Variants in CELF2 observed in about 807,000 individuals in gnomAD.
CELF2 encodes CUGBP Elav-like family member 2.
Under a neutral mutation model 62.6 loss-of-function variants are expected in CELF2, and 8 were observed. That is an observed-to-expected ratio of 0.13 (90% CI 0.07 to 0.23). CELF2 has a LOEUF of 0.23. CELF2 is among the 10% of genes least tolerant of loss of function. The pLI is 1.00. For missense variants in CELF2, 333 were observed against 671.0 expected, an observed-to-expected ratio of 0.50 and a Z score of 5.56; for synonymous variants, 258 against 250.0, an observed-to-expected ratio of 1.03 and a Z score of -0.30.
chr10:10,551,293 T>G, the CELF2 span, among the ~76,000 whole-genome samples: 17 of 152,054 alleles, frequency 1.1e-4, no homozygotes, highest in African/African-American at 3.9e-4. Flanking sequence ...TGCCCCTGAT[T>G]GAGGCAAGAG....
chr10:10,767,005 C>A, the CELF2 span, among the ~76,000 whole-genome samples: 1 of 152,158 alleles, frequency 6.6e-6, no homozygotes, highest in East Asian at 1.9e-4. Flanking sequence ...GTCAATGGAA[C>A]AGGAACAGGT....
At chr10:10,831,336 G>T (rs1012566674) in intron 1 of CELF2, among the ~76,000 whole-genome samples, 7 of 152,210 alleles carry the variant, frequency 4.6e-5, no homozygotes, top group African/African-American at 2.4e-5. Flanking sequence ...AGGGCAGTCA[G>T]GACACTTCTG....
rs60798946 is a variant in CELF2, at chr10:11,280,989, C to CGTGTGTGTGTGTGT, written c.841+5888_841+5901dup. On this transcript the variant is annotated intron_variant, in intron 8 of 12. Transcript: ENST00000633077. The surrounding 1 kb of genome is among the most constrained non-coding windows in gnomAD (Gnocchi z 7.6). ...TGGCGTGCGTGTGCATGCCTGTGTG[C>CGTGTGTGTGTGTGT]GTGTGTGTGTGTGTGTGTGTGTGTG... Among the ~76,000 whole-genome samples, 1,562 of 144,490 alleles carry CGTGTGTGTGTGTGT rather than the reference C, an allele frequency of 0.011. 16 individuals are homozygous for CGTGTGTGTGTGTGT. Among genetic ancestry groups the CGTGTGTGTGTGTGT allele is most frequent in the African/African-American group, 0.024 (930 of 38,934 alleles). 94.8% of individuals were successfully genotyped at this position (144,490 alleles called of 152,430 possible).
At chr10:11,131,359 G>C (rs1306138662) in intron 1 of CELF2, among the ~76,000 whole-genome samples, 1 of 152,196 alleles carries the variant, frequency 6.6e-6, no homozygotes, top group Non-Finnish European at 1.5e-5. Flanking sequence ...GAGGAAAGGT[G>C]CCGTGATGTT....
In CELF2 at chr10:11,268,222, G is replaced by C. The variant is rs1184285560; in HGVS notation, c.618+1545G>C. On this transcript the variant is annotated intron_variant, in intron 6 of 12. Coordinates refer to ENST00000633077, the MANE Select transcript of CELF2 (RefSeq NM_001326342.2). The surrounding 1 kb of genome is among the most constrained non-coding windows in gnomAD (Gnocchi z 4.7). ...AGATTAAAATGAAACTGCTGTTAGGGGCAAAAAAATAAAAAAGAAAACTCT... is the reference window on the plus strand; with the variant it reads ...AGATTAAAATGAAACTGCTGTTAGGCGCAAAAAAATAAAAAAGAAAACTCT... Among the ~76,000 whole-genome samples, 1 of 151,338 alleles carries C rather than the reference G, an allele frequency of 6.6e-6. No individual in the cohort carries two copies. Among genetic ancestry groups the C allele is most frequent in the African/African-American group, 2.4e-5 (1 of 41,136 alleles).
intron 2 of CELF2, among the ~76,000 whole-genome samples, chr10:10,987,112 T>C (rs1464360179): frequency 6.6e-6 from 1 of 152,236 alleles, no homozygotes; most frequent in African/African-American, 2.4e-5. Flanking sequence ...ACTTGAATCA[T>C]GTCACAAGGT....
the CELF2 span, among the ~76,000 whole-genome samples, chr10:10,768,522 C>T: frequency 6.6e-6 from 1 of 151,864 alleles, no homozygotes; most frequent in African/African-American, 2.4e-5. Context: ...AGGTTTTACA[C>T]CTCTGTCACT....
At chr10:11,212,737 GTTT>G (rs11354880) in intron 2 of CELF2, among the ~76,000 whole-genome samples, 2,550 of 92,018 alleles carry the variant, frequency 0.028, 71 homozygotes, top group African/African-American at 0.091. Context: ...TGTGTTTTGG[GTTT>G]TTTTTTTTTT....
intron 1 of CELF2, among the ~76,000 whole-genome samples, chr10:10,883,623 G>T (rs978497160): frequency 3.9e-5 from 6 of 152,132 alleles, no homozygotes; most frequent in South Asian, 2.1e-4. Flanking sequence ...TTGTGAAGGG[G>T]ACAGGATCCA....
rs1258134095 is a variant in CELF2 at position 11,280,987 on chromosome 10, TGC to T, written c.841+5869_841+5870del. ...GCTGGCGTGCGTGTGCATGCCTGTG[TGC>T]GTGTGTGTGTGTGTGTGTGTGTGTG... On this transcript the variant is annotated intron_variant, in intron 8 of 12. Transcript: ENST00000633077. This position sits in a 1 kb window ranked among gnomAD's most constrained non-coding sequence, Gnocchi z 7.6. Among the ~76,000 whole-genome samples the T allele has an allele frequency of 9.4e-4, 129 of 136,836 alleles. No individual in the cohort carries two copies. The highest frequency in any genetic ancestry group is 1.8e-3 in the East Asian group (8 of 4,456). The allele number at this position is 136,836 out of a possible 152,430, so 89.8% of individuals were successfully genotyped here. A position where few individuals can be genotyped will look rare whatever the true frequency, so the allele number is the denominator to read the frequency against.
At chr10:10,546,979 C>A in the CELF2 span, among the ~76,000 whole-genome samples, 3 of 151,910 alleles carry the variant, frequency 2.0e-5, no homozygotes, top group Non-Finnish European at 4.4e-5. Context: ...TGGTGGCATG[C>A]GCCTGTGATC....
At chr10:11,085,898 C>T (rs1053167818) in intron 1 of CELF2, among the ~76,000 whole-genome samples, 4 of 152,070 alleles carry the variant, frequency 2.6e-5, no homozygotes, top group Admixed American at 1.3e-4. Flanking sequence ...TCACAATAAT[C>T]CAGACCTTTT....
At chr10:10,880,105 G>GT (rs897499583) in intron 1 of CELF2, among the ~76,000 whole-genome samples, 8 of 151,976 alleles carry the variant, frequency 5.3e-5, no homozygotes, top group South Asian at 2.1e-4. Flanking sequence ...AGCATAAATC[G>GT]TAAGTCTAGG....
chr10:11,235,994 T>C (rs1253494352), intron 3 of CELF2, among the ~76,000 whole-genome samples: 1 of 152,216 alleles, frequency 6.6e-6, no homozygotes, highest in South Asian at 2.1e-4. Context: ...GGTATTTATG[T>C]GTCTGTCGTA....
At chr10:10,801,742 C>A (rs2054683674) in intron 1 of CELF2, among the ~76,000 whole-genome samples, 1 of 152,186 alleles carries the variant, frequency 6.6e-6, no homozygotes, top group African/African-American at 2.4e-5. Context: ...GTGTTTGGTC[C>A]AGGAGCTCAG....
chr10:10,869,988 C>A (rs1338579636), intron 1 of CELF2, among the ~76,000 whole-genome samples: 2 of 152,078 alleles, frequency 1.3e-5, no homozygotes, highest in African/African-American at 4.8e-5. Flanking sequence ...TATTATATTG[C>A]CATTGAGATT....
the CELF2 span, among the ~76,000 whole-genome samples, chr10:10,704,671 G>C: frequency 6.6e-6 from 1 of 152,140 alleles, no homozygotes; most frequent in Non-Finnish European, 1.5e-5. Flanking sequence ...TTGGGGCTTA[G>C]TTAACTCATA....
chr10:10,921,670 G>A (rs1040249995), intron 2 of CELF2, among the ~76,000 whole-genome samples: 2 of 152,172 alleles, frequency 1.3e-5, no homozygotes, highest in Non-Finnish European at 2.9e-5. Flanking sequence ...AGGCAAGAGG[G>A]CACGGGATCC....
the CELF2 span, among the ~76,000 whole-genome samples, chr10:10,529,347 G>A: frequency 6.6e-6 from 1 of 152,114 alleles, no homozygotes; most frequent in African/African-American, 2.4e-5. Context: ...ATAATAAGCT[G>A]GAAGACATAA....
Sources: allele counts gnomAD v4.1 joint callset (sites outside exome capture counted in the v4.1 genomes callset), GRCh38; gene constraint gnomAD v4.1.1; non-coding constraint Gnocchi (gnomAD v3.1); transcripts MANE v1.5; gene names NCBI Gene and HGNC (gene_info 2026-07-23, HGNC 2026-07-21).